Variants in DEPDC4 observed in about 807,000 individuals in gnomAD.
The protein encoded by DEPDC4 is DEP domain containing 4, also known as DEP domain-containing protein 4.
A neutral mutation model predicts 52.0 loss-of-function variants in DEPDC4; 52 were observed. The observed-to-expected ratio is 1.00, with a 90% CI of 0.80 to 1.26. The LOEUF (loss-of-function observed/expected upper bound fraction) is 1.26. DEPDC4 is among the 50% of genes most tolerant of loss of function. The probability of loss-of-function intolerance (pLI) is 0.00; values close to 1 mark genes in which losing one functional copy is unlikely to be tolerated. For synonymous variants in DEPDC4, 201 were observed against 196.8 expected, an observed-to-expected ratio of 1.02 and a Z score of -0.18; for missense variants, 530 against 546.9, an observed-to-expected ratio of 0.97 and a Z score of 0.31.
chr12:100,258,350 T>A (rs919693643), intron 3 of DEPDC4, among the ~76,000 whole-genome samples: 14 of 152,072 alleles, frequency 9.2e-5, no homozygotes, highest in African/African-American at 3.1e-4. Flanking sequence ...ATTAGAGGAC[T>A]AGTTAAGAAG....
intron 9 of DEPDC4, among the ~76,000 whole-genome samples, chr12:100,233,773 G>A (rs2096137572): frequency 6.6e-6 from 1 of 152,180 alleles, no homozygotes; most frequent in South Asian, 2.1e-4. Flanking sequence ...TCTACTTGTA[G>A]AGTGTACCGG....
At chr12:100,239,825 T>C (rs1342337939), downstream of DEPDC4, among the ~76,000 whole-genome samples, 1 of 152,068 alleles carries the variant, frequency 6.6e-6, no homozygotes, top group Non-Finnish European at 1.5e-5. Context: ...GAGGATTGCT[T>C]GAGGCCAGGA....
intron 8 of DEPDC4, among the ~76,000 whole-genome samples, chr12:100,244,552 T>C (rs143936630): frequency 4.7e-4 from 71 of 151,944 alleles, no homozygotes; most frequent in African/African-American, 1.4e-3. Flanking sequence ...CATGGCTCAT[T>C]GCAGCCTGGA....
upstream of DEPDC4, among the ~76,000 whole-genome samples, chr12:100,270,400 G>A (rs1189401487): frequency 1.3e-5 from 2 of 151,954 alleles, no homozygotes; most frequent in Non-Finnish European, 2.9e-5. Context: ...TGGAAGGCCT[G>A]AATAGTGAGA....
At chr12:100,251,565 C>T (rs1186527698) in intron 7 of DEPDC4, among the ~76,000 whole-genome samples, 1 of 151,516 alleles carries the variant, frequency 6.6e-6, no homozygotes, top group Non-Finnish European at 1.5e-5. Flanking sequence ...GTGCCACCAC[C>T]CCTGGCATTT....
At chr12:100,261,225 A>G (rs2096252654) in intron 3 of DEPDC4, among the ~76,000 whole-genome samples, 1 of 151,434 alleles carries the variant, frequency 6.6e-6, no homozygotes, top group Admixed American at 6.6e-5. Context: ...TCTTCTTCTC[A>G]ATTCTACACC....
At chr12:100,259,751 C>T (rs933829478) in intron 3 of DEPDC4, among the ~76,000 whole-genome samples, 1 of 152,012 alleles carries the variant, frequency 6.6e-6, no homozygotes, top group Admixed American at 6.6e-5. Context: ...ACAATATAAG[C>T]ATGCTATTTA....
intron 3 of DEPDC4, among the ~76,000 whole-genome samples, chr12:100,258,096 C>T (rs952335955): frequency 4.6e-5 from 7 of 152,042 alleles, no homozygotes. Flanking sequence ...AACTCCTGTT[C>T]TAAGTGCCAG....
chr12:100,276,188 C>T, the DEPDC4 span, among the ~76,000 whole-genome samples: 5 of 152,198 alleles, frequency 3.3e-5, no homozygotes, highest in Admixed American at 2.6e-4. Context: ...CTTCTATTTT[C>T]TGGGAGAGTT....
the DEPDC4 span, among the ~76,000 whole-genome samples, chr12:100,274,311 GT>G: frequency 2.6e-5 from 4 of 152,126 alleles, no homozygotes; most frequent in Non-Finnish European, 5.9e-5. Flanking sequence ...CACAGCTGGA[GT>G]TTTTTTGTCA....
chr12:100,278,646 T>G, the DEPDC4 span, among the ~76,000 whole-genome samples: 1 of 151,228 alleles, frequency 6.6e-6, no homozygotes, highest in South Asian at 2.1e-4. Context: ...TTTTTTTTTT[T>G]TTGAGATGGA....
At chr12:100,269,254 C>G (rs2096284504), upstream of DEPDC4, among the ~76,000 whole-genome samples, 2 of 152,140 alleles carry the variant, frequency 1.3e-5, no homozygotes, top group South Asian at 2.1e-4. Context: ...GTCACCCTGT[C>G]TTTTCTGTTC....
At chr12:100,274,379 GCTTTA>G in the DEPDC4 span, among the ~76,000 whole-genome samples, 1 of 152,136 alleles carries the variant, frequency 6.6e-6, no homozygotes, top group Non-Finnish European at 1.5e-5. Flanking sequence ...TTGTGATAGT[GCTTTA>G]CTTTATCAAA....
upstream of DEPDC4, among the ~76,000 whole-genome samples, chr12:100,271,908 C>G (rs543299475): frequency 7.2e-5 from 11 of 152,304 alleles, no homozygotes; most frequent in South Asian, 2.3e-3. Context: ...TGTTACATTT[C>G]TTGCTGTATC....
intron 7 of DEPDC4, 59 bp downstream of exon 7, chr12:100,252,117 T>C: frequency 2.7e-6 from 3 of 1,112,872 alleles, no homozygotes; most frequent in Non-Finnish European, 3.3e-6. Context: ...ATGATTTGCT[T>C]TTCTGCTTGA....
At chr12:100,266,044 T>A (rs2153926490) in intron 1 of DEPDC4, among the ~76,000 whole-genome samples, 1 of 152,204 alleles carries the variant, frequency 6.6e-6, no homozygotes, top group South Asian at 2.1e-4. Flanking sequence ...TTCTTCATTC[T>A]TCCGTACCCC....
upstream of DEPDC4, chr12:100,267,341 A>T (rs1475508219): frequency 1.1e-5 from 4 of 359,412 alleles, no homozygotes; most frequent in East Asian, 1.4e-4. Context: ...GGAGGCGTTT[A>T]TTAGGGGGGC....
At chr12:100,266,324 A>G (rs578034531) in intron 1 of DEPDC4, among the ~76,000 whole-genome samples, 44 of 152,296 alleles carry the variant, frequency 2.9e-4, no homozygotes, top group Admixed American at 2.7e-3. Flanking sequence ...ATCACTCAAG[A>G]AATCTTATCC....
chr12:100,234,039 T>C (rs1266827365), intron 9 of DEPDC4, among the ~76,000 whole-genome samples: 1 of 152,078 alleles, frequency 6.6e-6, no homozygotes. Flanking sequence ...CCCAGGAGGT[T>C]GAGGCTGTGG....
Sources: allele counts gnomAD v4.1 joint callset (sites outside exome capture counted in the v4.1 genomes callset), GRCh38; gene constraint gnomAD v4.1.1; transcripts MANE v1.5; gene names NCBI Gene and HGNC (gene_info 2026-07-23, HGNC 2026-07-21).